Variants in RBFOX3 observed in about 807,000 individuals in gnomAD.
RBFOX3 encodes RNA binding fox-1 homolog 3, also known as RNA binding protein fox-1 homolog 3.
RBFOX3 carries 17 observed loss-of-function variants against 48.7 expected under a neutral mutation model. The ratio of observed to expected loss-of-function variants is 0.35; its 90% CI spans 0.24 to 0.52. RBFOX3 has a LOEUF of 0.52. Among genes scored for constraint, RBFOX3 ranks in the 20% least tolerant of loss-of-function variants. The pLI is 0.94. For synonymous variants in RBFOX3, 212 were observed against 209.5 expected, an observed-to-expected ratio of 1.01 and a Z score of -0.10; for missense variants, 382 against 497.5, an observed-to-expected ratio of 0.77 and a Z score of 2.21.
At chr17:79,234,760 T>G (rs1600148932) in intron 4 of RBFOX3, 5 of 124,014 alleles carry the variant, frequency 4.0e-5, no homozygotes, top group African/African-American at 6.6e-5. Context: ...TGAGATGGAG[T>G]CTTGCTCTGT....
intron 1 of RBFOX3, among the ~76,000 whole-genome samples, chr17:79,515,676 A>T (rs1271347510): frequency 6.6e-6 from 1 of 151,732 alleles, no homozygotes; most frequent in Non-Finnish European, 1.5e-5. Context: ...GCCCCTAAGT[A>T]CCCACCCTCC....
chr17:79,263,727 AG>A (rs2066184334), intron 3 of RBFOX3, among the ~76,000 whole-genome samples: 1 of 152,158 alleles, frequency 6.6e-6, no homozygotes. Context: ...CCTGACACAC[AG>A]GGGGCAGCCA....
intron 2 of RBFOX3, among the ~76,000 whole-genome samples, chr17:79,413,729 G>A (rs941543826): frequency 1.9e-4 from 29 of 152,182 alleles, no homozygotes; most frequent in African/African-American, 2.7e-4. Context: ...AGCAGGCCGC[G>A]AGCCCACAGG....
At chr17:79,218,658 G>A (rs899898236) in intron 4 of RBFOX3, among the ~76,000 whole-genome samples, 3 of 152,162 alleles carry the variant, frequency 2.0e-5, no homozygotes, top group African/African-American at 7.2e-5. Context: ...GGTCAGGGCC[G>A]GGAGCCGAGA....
At chr17:79,432,835 G>C (rs574095546) in intron 2 of RBFOX3, among the ~76,000 whole-genome samples, 3 of 152,312 alleles carry the variant, frequency 2.0e-5, no homozygotes, top group Admixed American at 1.3e-4. Flanking sequence ...TAAAACAAGT[G>C]GGTCTGTAGG....
At chr17:79,608,847 G>C (rs1483970784) in intron 1 of RBFOX3, among the ~76,000 whole-genome samples, 1 of 152,146 alleles carries the variant, frequency 6.6e-6, no homozygotes, top group African/African-American at 2.4e-5. Flanking sequence ...CTCGGTCCTC[G>C]GCCAAAGGGA....
intron 1 of RBFOX3, among the ~76,000 whole-genome samples, chr17:79,606,070 G>C (rs2093823390): frequency 1.3e-5 from 2 of 152,356 alleles, no homozygotes; most frequent in South Asian, 4.1e-4. Context: ...TTCGAGTGCA[G>C]TGAGTTGGCA....
intron 5 of RBFOX3, 48 bp downstream of exon 5, chr17:79,115,446 T>C: frequency 8.3e-7 from 1 of 1,198,848 alleles, no homozygotes; most frequent in African/African-American, 1.6e-5. Flanking sequence ...GGGTGGGTGC[T>C]CCTCCCTGAA....
rs2149486079 is a variant in RBFOX3 at position 79,481,686 on chromosome 17, T to A, written c.-175+768A>T. Among the ~76,000 whole-genome samples, 1 of 152,230 alleles carries A rather than the reference T, an allele frequency of 6.6e-6. No individual in the cohort carries two copies. The highest frequency in any genetic ancestry group is 2.4e-5 in the African/African-American group (1 of 41,532). On this transcript the variant is annotated intron_variant, in intron 2 of 14. Transcript: ENST00000693108. This position sits in a 1 kb window ranked among gnomAD's most constrained non-coding sequence, Gnocchi z 5.4. ...GTGGGTGAACCAGCAGGGTGGTGCA[T>A]CCTAACACCATGGGGAATGGGTGTG... is the stretch of plus-strand genomic sequence containing the variant.
rs890772064 is a variant in RBFOX3 at position 79,595,147 on chromosome 17, G to A, written c.-320+15679C>T. ...CCCCACCCCCGCCTGGAGAGCCATC[G>A]GTATTGAGAGAAACGAGCCACTTTC... On this transcript the variant is annotated intron_variant, in intron 1 of 14. Transcript: ENST00000693108. Among the ~76,000 whole-genome samples the A allele has an allele frequency of 1.4e-3, 217 of 151,058 alleles. 2 individuals are homozygous for A. The South Asian group carries it at 0.025, about 17-fold the overall frequency.
intron 2 of RBFOX3, among the ~76,000 whole-genome samples, chr17:79,314,614 C>T (rs935592245): frequency 6.6e-6 from 1 of 151,218 alleles, no homozygotes; most frequent in Admixed American, 6.6e-5. Flanking sequence ...GGGCAGGTTT[C>T]TAAGTCAGAT....
rs755997432 is a variant in RBFOX3 at position 79,111,914 on chromosome 17, C to T, written c.222+3580G>A. On this transcript the variant is annotated intron_variant, in intron 5 of 14. Transcript: ENST00000693108. The surrounding 1 kb of genome is among the most constrained non-coding windows in gnomAD (Gnocchi z 4.2). ...CCCCGGTCCTTCCGCAGCCCCTCAT[C>T]GCACTCTGTACCCTTTGCTGCTTTT... Among the ~76,000 whole-genome samples, 33 of 152,352 alleles carry T rather than the reference C, an allele frequency of 2.2e-4. No homozygotes were observed. Among genetic ancestry groups the T allele is most frequent in the Admixed American group, 3.9e-4 (6 of 15,308 alleles).
At chr17:79,163,774 C>T (rs1451978056) in intron 4 of RBFOX3, among the ~76,000 whole-genome samples, 2 of 152,104 alleles carry the variant, frequency 1.3e-5, no homozygotes, top group East Asian at 3.9e-4. Context: ...GCACCTGGGA[C>T]CGCCAGATGC....
chr17:79,309,806 C>T (rs2076597060), intron 2 of RBFOX3, among the ~76,000 whole-genome samples: 1 of 152,140 alleles, frequency 6.6e-6, no homozygotes, highest in South Asian at 2.1e-4. Context: ...GTTCCCCCCT[C>T]ACTCTCATCT....
chr17:79,381,289 G>A (rs980793452), intron 2 of RBFOX3, among the ~76,000 whole-genome samples: 3 of 151,842 alleles, frequency 2.0e-5, no homozygotes, highest in Non-Finnish European at 4.4e-5. Context: ...AAAGAAACAC[G>A]TGAGATTCAT....
At chr17:79,228,700 C>G (rs1343862862) in intron 4 of RBFOX3, among the ~76,000 whole-genome samples, 1 of 152,230 alleles carries the variant, frequency 6.6e-6, no homozygotes, top group African/African-American at 2.4e-5. Context: ...TTGGCCTTCT[C>G]AGAGTCAGAA....
At chr17:79,144,297 G>T (rs1242326934) in intron 4 of RBFOX3, among the ~76,000 whole-genome samples, 2 of 152,274 alleles carry the variant, frequency 1.3e-5, no homozygotes, top group African/African-American at 4.8e-5. Flanking sequence ...CCCGCCCCAT[G>T]GCTGCCTTGT....
chr17:79,623,138 C>A, the RBFOX3 span, among the ~76,000 whole-genome samples: 728 of 152,326 alleles, frequency 4.8e-3, 8 homozygotes, highest in East Asian at 0.024. Flanking sequence ...CACTCAGGAT[C>A]CTTCCCTGAC....
intron 1 of RBFOX3, among the ~76,000 whole-genome samples, chr17:79,554,227 G>A (rs1340127145): frequency 3.3e-5 from 5 of 152,074 alleles, no homozygotes; most frequent in Non-Finnish European, 5.9e-5. Flanking sequence ...TGAATCATAA[G>A]CTTAACTGAG....
Sources: allele counts gnomAD v4.1 joint callset (sites outside exome capture counted in the v4.1 genomes callset), GRCh38; gene constraint gnomAD v4.1.1; non-coding constraint Gnocchi (gnomAD v3.1); transcripts MANE v1.5; gene names NCBI Gene and HGNC (gene_info 2026-07-23, HGNC 2026-07-21).